Variants in RBFOX1 observed in about 807,000 individuals in gnomAD.
RBFOX1 encodes RNA binding protein fox-1 homolog 1.
RBFOX1 carries 8 observed loss-of-function variants against 57.7 expected under a neutral mutation model. The ratio of observed to expected loss-of-function variants is 0.14; its 90% CI spans 0.08 to 0.25. The LOEUF is 0.25. RBFOX1 is among the 10% of genes least tolerant of loss of function. The pLI is 1.00. For synonymous variants in RBFOX1, 326 were observed against 222.4 expected, an observed-to-expected ratio of 1.47 and a Z score of -4.15; for missense variants, 611 against 548.5, an observed-to-expected ratio of 1.11 and a Z score of -1.14.
intron 1 of RBFOX1, among the ~76,000 whole-genome samples, chr16:6,151,986 A>G (rs2152725985): frequency 6.6e-6 from 1 of 152,334 alleles, no homozygotes. Context: ...CTACTCTTGC[A>G]ATGTGAATAG....
intron 3 of RBFOX1, among the ~76,000 whole-genome samples, chr16:6,867,181 G>T (rs901428467): frequency 1.3e-5 from 2 of 152,100 alleles, no homozygotes; most frequent in African/African-American, 4.8e-5. Context: ...TTTCTTCTTG[G>T]TCTTGCAAAG....
intron 2 of RBFOX1, among the ~76,000 whole-genome samples, chr16:6,450,793 ATATATATG>A (rs2094583782): frequency 3.2e-4 from 5 of 15,460 alleles, no homozygotes; most frequent in South Asian, 2.0e-3. Flanking sequence ...ATATATACAT[ATATATATG>A]TATATATATA....
intron 1 of RBFOX1, among the ~76,000 whole-genome samples, chr16:5,322,152 G>A (rs540817285): frequency 6.6e-6 from 1 of 152,204 alleles, no homozygotes. Context: ...TCCAGGTCTT[G>A]CTTGGCTCTT....
At chr16:7,638,923 C>G (rs1423759590) in intron 11 of RBFOX1, among the ~76,000 whole-genome samples, 1 of 152,050 alleles carries the variant, frequency 6.6e-6, no homozygotes, top group Non-Finnish European at 1.5e-5. Context: ...AAGGAAAATT[C>G]TTTTAAGTGT....
chr16:6,335,567 CAA>C (rs2083527973), intron 2 of RBFOX1, among the ~76,000 whole-genome samples: 1 of 151,766 alleles, frequency 6.6e-6, no homozygotes, highest in Non-Finnish European at 1.5e-5. Context: ...ATCACGAGGT[CAA>C]GAGATTGAGA....
chr16:7,696,507 G>A (rs990090838), intron 14 of RBFOX1, among the ~76,000 whole-genome samples: 1 of 145,680 alleles, frequency 6.9e-6, no homozygotes, highest in Non-Finnish European at 1.5e-5. Flanking sequence ...TGAGAATGGA[G>A]GTTGAAAAGC....
intron 4 of RBFOX1, among the ~76,000 whole-genome samples, chr16:7,186,007 C>G (rs927317090): frequency 3.3e-5 from 5 of 152,052 alleles, no homozygotes; most frequent in South Asian, 2.1e-4. Flanking sequence ...TAGTATAGAT[C>G]AAAGGCACAC....
intron 4 of RBFOX1, among the ~76,000 whole-genome samples, chr16:7,184,660 A>C (rs184074226): frequency 1.4e-5 from 2 of 142,404 alleles, no homozygotes; most frequent in East Asian, 4.3e-4. Context: ...ACATGGGTAT[A>C]CCTAAACAGT....
rs1168364766 is a variant in RBFOX1 at position 7,631,895 on chromosome 16, G to C, written c.757+1212G>C. 2.0e-5 allele frequency among the ~76,000 whole-genome samples: 3 copies of C among 152,136 alleles called. No individual in the cohort carries two copies. The South Asian group carries it at 6.2e-4, about 32-fold the overall frequency. ...AGGGTCTGAAGTCTTCAGGAGGTCT[G>C]ACAGCCAGTTGTTTCTCACAGTTAG... is the stretch of plus-strand genomic sequence containing the variant. On this transcript the variant is annotated intron_variant, in intron 11 of 15. Coordinates refer to ENST00000550418, the MANE Select transcript of RBFOX1 (RefSeq NM_018723.4).
At chr16:7,360,934 G>T (rs138562576) in intron 4 of RBFOX1, among the ~76,000 whole-genome samples, 1 of 152,274 alleles carries the variant, frequency 6.6e-6, no homozygotes, top group East Asian at 1.9e-4. Flanking sequence ...CATCCACTGC[G>T]TATGAGTTTT....
intron 2 of RBFOX1, among the ~76,000 whole-genome samples, chr16:5,538,700 A>G (rs1276799428): frequency 2.0e-5 from 3 of 149,400 alleles, no homozygotes; most frequent in Admixed American, 6.8e-5. Flanking sequence ...ATCTCCGCTC[A>G]CTGCAACCTT....
rs191782342 is a variant in RBFOX1, at chr16:5,952,007, A to G, written c.351+84672A>G. ...CGCATATATATATATGTGTGTGTGT[A>G]TATATATATGCACACACACACATAT... On this transcript the variant is annotated intron_variant, in intron 4 of 19. Coordinates refer to the RBFOX1 transcript ENST00000641259. 4.5e-3 allele frequency among the ~76,000 whole-genome samples: 674 copies of G among 151,102 alleles called. 4 individuals carry two copies. The highest frequency in any genetic ancestry group is 0.015 in the African/African-American group (598 of 41,170).
chr16:5,312,305 G>T (rs1465046712), intron 1 of RBFOX1, among the ~76,000 whole-genome samples: 1 of 152,148 alleles, frequency 6.6e-6, no homozygotes, highest in East Asian at 1.9e-4. Context: ...CAACTGGGAA[G>T]ACATGTCTTT....
intron 2 of RBFOX1, among the ~76,000 whole-genome samples, chr16:6,622,457 A>G (rs905418184): frequency 6.6e-6 from 1 of 152,160 alleles, no homozygotes; most frequent in Non-Finnish European, 1.5e-5. Flanking sequence ...TCTAGGAGCA[A>G]TAGGCTAGAC....
At chr16:5,487,486 T>A (rs1019498038) in intron 2 of RBFOX1, among the ~76,000 whole-genome samples, 7 of 152,294 alleles carry the variant, frequency 4.6e-5, no homozygotes, top group Admixed American at 1.3e-4. Context: ...GGGTGAGGAC[T>A]TGGGTTCTTT....
intron 2 of RBFOX1, among the ~76,000 whole-genome samples, chr16:6,416,834 G>A (rs538013323): frequency 1.3e-5 from 2 of 152,114 alleles, no homozygotes; most frequent in Admixed American, 6.5e-5. Flanking sequence ...GAAACCAAAT[G>A]TGCTGTCCTG....
At position 7,224,641 on chromosome 16, in the gene RBFOX1, A is replaced by G. The variant is rs1023695020; in HGVS notation, c.27+172543A>G. Among the ~76,000 whole-genome samples, 6 of 152,326 alleles carry G rather than the reference A, an allele frequency of 3.9e-5. No individual in the cohort carries two copies. The East Asian group carries it at 1.2e-3, about 29-fold the overall frequency. On this transcript the variant is annotated intron_variant, in intron 4 of 15. Coordinates refer to ENST00000550418, the MANE Select transcript of RBFOX1 (RefSeq NM_018723.4). Reference sequence around the variant, plus strand: ...GGGGAGGTAATGTCTCCAAATGGAAATGTCTTTTTGGTTAAAATAAAGTAG... The same window carrying G: ...GGGGAGGTAATGTCTCCAAATGGAAGTGTCTTTTTGGTTAAAATAAAGTAG...
intron 1 of RBFOX1, among the ~76,000 whole-genome samples, chr16:6,117,371 C>G (rs1159582448): frequency 2.6e-5 from 4 of 152,202 alleles, no homozygotes; most frequent in African/African-American, 9.6e-5. Context: ...TTCAAATGAT[C>G]AGAACTAATA....
chr16:7,214,278 G>A (rs1567735105), intron 4 of RBFOX1, among the ~76,000 whole-genome samples: 1 of 152,102 alleles, frequency 6.6e-6, no homozygotes, highest in Non-Finnish European at 1.5e-5. Flanking sequence ...TTACGCATAT[G>A]GGAGGAGAAT....
Sources: gnomAD v4.1 joint callset for allele counts (sites outside exome capture counted in the v4.1 genomes callset) on GRCh38, gnomAD v4.1.1 for gene constraint, MANE v1.5 for transcripts, NCBI Gene and HGNC (gene_info 2026-07-23, HGNC 2026-07-21) for gene names.